CCDC61: variants seen among roughly 807,000 people sequenced by gnomAD.
The protein encoded by CCDC61 is centrosomal protein CCDC61.
CCDC61 carries 55 observed loss-of-function variants against 63.0 expected under a neutral mutation model. That is an observed-to-expected ratio of 0.87 (90% CI 0.70 to 1.09). The LOEUF (loss-of-function observed/expected upper bound fraction) is 1.09, where lower values mean the gene tolerates loss of function less well. Ranked by LOEUF, CCDC61 falls within the 50% of genes least tolerant of loss-of-function variation. The pLI, the probability that CCDC61 is intolerant of heterozygous loss-of-function variation, is 0.00. For synonymous variants in CCDC61, 270 were observed against 317.0 expected, an observed-to-expected ratio of 0.85 and a Z score of 1.58; for missense variants, 651 against 731.4, an observed-to-expected ratio of 0.89 and a Z score of 1.27.
At chr19:45,999,921 G>A (rs556712337) in intron 1 of CCDC61, 9 of 655,776 alleles carry the variant, frequency 1.4e-5, no homozygotes, top group Middle Eastern at 1.6e-3. Flanking sequence ...GCGGGGCCTC[G>A]AAGGCACCGC....
In CCDC61 at chr19:45,999,980, G is replaced by GGA. The variant is rs918899852; in HGVS notation, c.-11-3024_-11-3023dup. ...AGGCAGAGGCTGAGAAGAGGAACTG[G>GGA]GAGAGGCTCAGGACTGGAATGAAAT... is the stretch of plus-strand genomic sequence containing the variant. On this transcript the variant is annotated intron_variant, in intron 1 of 13. Transcript: ENST00000595358. The GGA allele has an allele frequency of 9.2e-6, 9 of 977,762 alleles. No individual in the cohort carries two copies. In the African/African-American group the frequency reaches 1.6e-4, roughly 17 times the overall value. The allele number at this position is 977,762 out of a possible 1,614,324, so 60.6% of individuals were successfully genotyped here.
rs1968712582 is a variant in CCDC61, at chr19:46,006,518, TG to T, written c.232-39del. 4 of 1,460,066 alleles carry T rather than the reference TG, an allele frequency of 2.7e-6. No individual in the cohort carries two copies. The Admixed American group carries it at 9.1e-5, about 33-fold the overall frequency. 90.4% of individuals were successfully genotyped at this position (1,460,066 alleles called of 1,614,324 possible). A position where few individuals can be genotyped will look rare whatever the true frequency, so the allele number is the denominator to read the frequency against. On this transcript the variant is annotated intron_variant, in intron 3 of 13. Coordinates refer to ENST00000595358, the MANE Select transcript of CCDC61 (RefSeq NM_001267723.2). ...GTGCTAGGTGCCCTCCGTGTGGCAG[TG>T]GCGGGTGCTGTGGCAGCTCCTCCTC...
At chr19:46,005,503 T>C (rs1968689130) in intron 3 of CCDC61, among the ~76,000 whole-genome samples, 1 of 152,216 alleles carries the variant, frequency 6.6e-6, no homozygotes, top group South Asian at 2.1e-4. Flanking sequence ...GTTGTGCAGA[T>C]TTTCCAAATG....
chr19:46,015,817 G>C lies in CCDC61; in HGVS notation c.846-237G>C, dbSNP rs1428212284. ...AGTTGTGGAAGACTCCGGAAAGAAG[G>C]GTCTGTTGAAGGCGGTGTGTTGAAA... is the stretch of plus-strand genomic sequence containing the variant. On this transcript the variant is annotated intron_variant, in intron 7 of 13. Coordinates refer to ENST00000595358, the MANE Select transcript of CCDC61 (RefSeq NM_001267723.2). This position sits in a 1 kb window ranked among gnomAD's most constrained non-coding sequence, Gnocchi z 5.3. 1.3e-5 allele frequency among the ~76,000 whole-genome samples: 2 copies of C among 151,942 alleles called. No individual in the cohort carries two copies. The highest frequency in any genetic ancestry group is 2.9e-5 in the Non-Finnish European group (2 of 67,934).
intron 5 of CCDC61, among the ~76,000 whole-genome samples, chr19:46,013,867 G>GA (rs5828260): frequency 9.7e-4 from 132 of 135,744 alleles, no homozygotes; most frequent in Admixed American, 2.4e-3. Flanking sequence ...CTCCGTCTCA[G>GA]AAAAAAAAAA....
At chr19:46,004,504 T>C (rs1968659561) in intron 3 of CCDC61, among the ~76,000 whole-genome samples, 1 of 151,682 alleles carries the variant, frequency 6.6e-6, no homozygotes, top group Non-Finnish European at 1.5e-5. Context: ...TCACTCTGTC[T>C]CCCAGGCTGG....
At chr19:46,009,901 G>C (rs777766575) in intron 5 of CCDC61, among the ~76,000 whole-genome samples, 14 of 152,090 alleles carry the variant, frequency 9.2e-5, no homozygotes, top group Non-Finnish European at 2.1e-4. Context: ...TTCTGGGTGT[G>C]TGTTTCCCAA....
intron 1 of CCDC61, among the ~76,000 whole-genome samples, chr19:46,001,031 G>A (rs566247450): frequency 7.3e-5 from 11 of 151,430 alleles, no homozygotes; most frequent in Admixed American, 2.0e-4. Context: ...GTTCAGTTCC[G>A]TGGGTGCCTC....
At chr19:46,005,224 G>A (rs1458006837) in intron 3 of CCDC61, among the ~76,000 whole-genome samples, 2 of 149,868 alleles carry the variant, frequency 1.3e-5, no homozygotes, top group African/African-American at 4.9e-5. Context: ...TGGCCAGGCT[G>A]GTCTTGAATT....
At chr19:46,012,417 G>T (rs925993244) in intron 5 of CCDC61, among the ~76,000 whole-genome samples, 17 of 152,288 alleles carry the variant, frequency 1.1e-4, no homozygotes, top group Admixed American at 9.2e-4. Context: ...AGGCCGAGGC[G>T]GGTGGAACAC....
At chr19:46,003,531 G>GGTGGT in intron 3 of CCDC61, 30 bp downstream of exon 3, 1 of 1,193,398 alleles carries the variant, frequency 8.4e-7, no homozygotes, top group Non-Finnish European at 1.2e-6. Context: ...GTTGGGGTGG[G>GGTGGT]AGGGGGGTTC....
chr19:46,000,836 A>C (rs1968576769), intron 1 of CCDC61, among the ~76,000 whole-genome samples: 1 of 151,226 alleles, frequency 6.6e-6, no homozygotes, highest in African/African-American at 2.4e-5. Context: ...GGCTAAGGAC[A>C]AGGCAATGGG....
intron 1 of CCDC61, among the ~76,000 whole-genome samples, chr19:45,999,415 C>T (rs1158468874): frequency 2.0e-5 from 3 of 151,820 alleles, no homozygotes; most frequent in African/African-American, 7.3e-5. Context: ...GGCCAGGCCA[C>T]GCGTGTGAAT....
At chr19:45,998,476 G>A (rs1186361256) in intron 1 of CCDC61, among the ~76,000 whole-genome samples, 1 of 152,174 alleles carries the variant, frequency 6.6e-6, no homozygotes, top group African/African-American at 2.4e-5. Flanking sequence ...GACCCAGCCT[G>A]GGAGTCAGGG....
At chr19:45,999,917 C>A in intron 1 of CCDC61, 1 of 560,484 alleles carries the variant, frequency 1.8e-6, no homozygotes, top group Non-Finnish European at 2.3e-6. Context: ...GAGGGCGGGG[C>A]CTCGAAGGCA....
At chr19:46,002,090 C>G (rs562212956) in intron 1 of CCDC61, among the ~76,000 whole-genome samples, 1 of 151,940 alleles carries the variant, frequency 6.6e-6, no homozygotes, top group Admixed American at 6.6e-5. Context: ...ATTACAGGCA[C>G]GGGGCACCAC....
At chr19:46,008,335 T>C in intron 5 of CCDC61, 34 bp downstream of exon 5, 1 of 499,170 alleles carries the variant, frequency 2.0e-6, no homozygotes, top group Non-Finnish European at 4.0e-6. Flanking sequence ...CTGGGGCGGG[T>C]GGGGGCCCTC....
chr19:46,010,911 C>T (rs1968815324), intron 5 of CCDC61, among the ~76,000 whole-genome samples: 1 of 152,222 alleles, frequency 6.6e-6, no homozygotes, highest in Non-Finnish European at 1.5e-5. Context: ...TCCAGGATGT[C>T]ATCTGAAACC....
chr19:46,003,132 G>A lies in CCDC61; in HGVS notation c.114G>A (p.Thr38=), dbSNP rs115054643. The A allele has an allele frequency of 6.4e-4, 1,038 of 1,613,342 alleles. 12 individuals carry two copies. In the African/African-American group the frequency reaches 0.012, roughly 19 times the overall value. ...VLELEVEDRM[T]ADQWRGEFDA... ...AGCTGGAGGTGGAGGACCGGATGAC[G>A]GCTGACCAGTGGCGGGGCGAGTTCG... The change falls in exon 2 of 14, where the codon ACG becomes ACA. Residue 38 remains threonine (T), a synonymous_variant. Transcript: ENST00000595358.
Sources: gnomAD v4.1 joint callset for allele counts (sites outside exome capture counted in the v4.1 genomes callset) on GRCh38, gnomAD v4.1.1 for gene constraint, Gnocchi (gnomAD v3.1) non-coding constraint, MANE v1.5 for transcripts, NCBI Gene and HGNC (gene_info 2026-07-23, HGNC 2026-07-21) for gene names.